GNA14: variants seen among roughly 807,000 people sequenced by gnomAD.
GNA14 encodes the protein G protein subunit alpha 14.
A neutral mutation model predicts 42.0 loss-of-function variants in GNA14; 50 were observed. The ratio of observed to expected loss-of-function variants is 1.19; its 90% CI spans 0.95 to 1.51. GNA14 has a LOEUF of 1.51. Ranked by LOEUF, GNA14 falls within the 40% of genes most tolerant of loss-of-function variation. The pLI is 0.00. For missense variants in GNA14, 473 were observed against 446.2 expected, an observed-to-expected ratio of 1.06 and a Z score of -0.54; for synonymous variants, 173 against 163.1, an observed-to-expected ratio of 1.06 and a Z score of -0.46.
At chr9:77,604,371 C>T (rs1291300265) in intron 1 of GNA14, among the ~76,000 whole-genome samples, 3 of 152,182 alleles carry the variant, frequency 2.0e-5, no homozygotes, top group African/African-American at 7.2e-5. Context: ...GAAGTTTAGT[C>T]TCTCTCACTT....
chr9:77,526,196 C>T (rs995408672), intron 2 of GNA14, among the ~76,000 whole-genome samples: 10 of 151,440 alleles, frequency 6.6e-5, no homozygotes, highest in Non-Finnish European at 1.2e-4. Flanking sequence ...ACAGGCACAA[C>T]CCACTGTGCC....
rs569852182 is a variant in GNA14, at chr9:77,562,468, G to A, written c.125-33215C>T. Among the ~76,000 whole-genome samples the A allele has an allele frequency of 4.6e-4, 70 of 152,182 alleles. 1 individual carries two copies. Among genetic ancestry groups the A allele is most frequent in the African/African-American group, 1.6e-3 (67 of 41,526 alleles). ...AAGCTAGAGTAGGGGATTTATTTTA[G>A]GAAGTAGAAAGTAACATGAAAATGG... On this transcript the variant is annotated intron_variant, in intron 1 of 6. Transcript: ENST00000341700.
intron 1 of GNA14, among the ~76,000 whole-genome samples, chr9:77,613,977 C>G (rs1222478728): frequency 6.6e-6 from 1 of 152,274 alleles, no homozygotes; most frequent in East Asian, 1.9e-4. Flanking sequence ...AGAGAGGTTA[C>G]CACTATACTT....
At chr9:77,544,457 C>T (rs1341018107) in intron 1 of GNA14, among the ~76,000 whole-genome samples, 1 of 152,088 alleles carries the variant, frequency 6.6e-6, no homozygotes, top group Non-Finnish European at 1.5e-5. Flanking sequence ...AATCCCAGCA[C>T]TTTGGGAGGC....
chr9:77,550,349 C>T (rs1837773878), intron 1 of GNA14, among the ~76,000 whole-genome samples: 1 of 152,154 alleles, frequency 6.6e-6, no homozygotes, highest in South Asian at 2.1e-4. Flanking sequence ...AGACTAAATA[C>T]AGAGAAAGCC....
intron 2 of GNA14, among the ~76,000 whole-genome samples, chr9:77,446,637 T>G (rs1165837425): frequency 6.6e-6 from 1 of 151,076 alleles, no homozygotes; most frequent in East Asian, 1.9e-4. Flanking sequence ...GGAGAAGGGG[T>G]GGGGGGAGAT....
chr9:77,595,584 T>G (rs1823451905), intron 1 of GNA14, among the ~76,000 whole-genome samples: 1 of 152,312 alleles, frequency 6.6e-6, no homozygotes, highest in African/African-American at 2.4e-5. Context: ...CCCATCATAC[T>G]ACTCCCTTCC....
intron 1 of GNA14, among the ~76,000 whole-genome samples, chr9:77,559,635 G>A (rs1822847155): frequency 6.6e-6 from 1 of 152,178 alleles, no homozygotes; most frequent in Admixed American, 6.5e-5. Flanking sequence ...ATCTGAGCTT[G>A]GTAAAGTGAA....
rs149308573 is a variant in GNA14, at chr9:77,638,243, T to A, written c.124+9427A>T. Among the ~76,000 whole-genome samples the A allele has an allele frequency of 2.0e-5, 3 of 152,174 alleles. No individual in the cohort carries two copies. In the East Asian group the frequency reaches 5.8e-4, roughly 29 times the overall value. On this transcript the variant is annotated intron_variant, in intron 1 of 6. Coordinates refer to ENST00000341700, the MANE Select transcript of GNA14 (RefSeq NM_004297.4). ...CAGGTGCCAGGATACAGGAACAAGA[T>A]AGCACAGCCCCACTCTCACAGAGCT...
At chr9:77,428,879 AG>A in intron 5 of GNA14, 27 bp downstream of exon 5, 1 of 1,609,516 alleles carries the variant, frequency 6.2e-7, no homozygotes, top group Non-Finnish European at 8.5e-7. Flanking sequence ...TGGCTTCCAC[AG>A]CTACCCAAAC....
chr9:77,467,610 TC>T (rs1836259321), intron 2 of GNA14, among the ~76,000 whole-genome samples: 1 of 150,404 alleles, frequency 6.6e-6, no homozygotes, highest in Non-Finnish European at 1.5e-5. Flanking sequence ...CATGCTGCTT[TC>T]CAATAAAGTT....
At chr9:77,628,995 A>G (rs1448230821) in intron 1 of GNA14, among the ~76,000 whole-genome samples, 1 of 152,210 alleles carries the variant, frequency 6.6e-6, no homozygotes, top group Non-Finnish European at 1.5e-5. Context: ...TCCATCTGAC[A>G]AAGGGTTCAT....
intron 1 of GNA14, among the ~76,000 whole-genome samples, chr9:77,543,807 G>A (rs1266428219): frequency 1.3e-5 from 2 of 152,132 alleles, no homozygotes; most frequent in Non-Finnish European, 2.9e-5. Flanking sequence ...TTTAAAGTGT[G>A]AATATCTACT....
intron 1 of GNA14, among the ~76,000 whole-genome samples, chr9:77,565,698 T>A (rs947963301): frequency 1.3e-5 from 2 of 152,236 alleles, no homozygotes; most frequent in African/African-American, 4.8e-5. Context: ...CCTCGAGTGA[T>A]CCTTCTGCCT....
intron 1 of GNA14, among the ~76,000 whole-genome samples, chr9:77,550,363 A>C (rs530251080): frequency 6.6e-6 from 1 of 152,320 alleles, no homozygotes; most frequent in East Asian, 1.9e-4. Context: ...GAAAGCCTTC[A>C]CCTTCACCCA....
chr9:77,451,291 C>G (rs770057144), intron 2 of GNA14, among the ~76,000 whole-genome samples: 6 of 152,192 alleles, frequency 3.9e-5, no homozygotes, highest in Admixed American at 1.3e-4. Flanking sequence ...TTAGCAGTCT[C>G]TAGCTAAAGA....
intron 3 of GNA14, among the ~76,000 whole-genome samples, chr9:77,432,390 C>T (rs182017961): frequency 2.8e-4 from 43 of 152,268 alleles, no homozygotes; most frequent in Middle Eastern, 3.4e-3. Context: ...AGTCCCAGGG[C>T]TTATCACTGT....
rs149715705 is a variant in GNA14 at position 77,549,197 on chromosome 9, G to C, written c.125-19944C>G. ...ATCCCGCCCACCTCGGCCTCCCAAA[G>C]TGCCGGGATTACAGGCGTGAGCCAC... On this transcript the variant is annotated intron_variant, in intron 1 of 6. Coordinates refer to ENST00000341700, the MANE Select transcript of GNA14 (RefSeq NM_004297.4). Among the ~76,000 whole-genome samples the C allele has an allele frequency of 5.3e-5, 8 of 152,318 alleles. No individual in the cohort carries two copies. In the East Asian group the frequency reaches 1.5e-3, roughly 29 times the overall value.
intron 2 of GNA14, among the ~76,000 whole-genome samples, chr9:77,454,500 G>T (rs1433248459): frequency 6.6e-6 from 1 of 152,092 alleles, no homozygotes; most frequent in Non-Finnish European, 1.5e-5. Context: ...ACCTTGAGGG[G>T]AGTTATCTGA....
Sources: allele counts gnomAD v4.1 joint callset (sites outside exome capture counted in the v4.1 genomes callset), GRCh38; gene constraint gnomAD v4.1.1; transcripts MANE v1.5; gene names NCBI Gene and HGNC (gene_info 2026-07-23, HGNC 2026-07-21).